DENND2A: variants seen among roughly 807,000 people sequenced by gnomAD.
DENND2A encodes DENN domain containing 2A, also known as DENN domain-containing protein 2A.
A neutral mutation model predicts 105.3 loss-of-function variants in DENND2A; 53 were observed. That is an observed-to-expected ratio of 0.50 (90% CI 0.40 to 0.63). DENND2A has a LOEUF of 0.63. DENND2A is among the 30% of genes least tolerant of loss of function. The pLI is 0.00. For missense variants in DENND2A, 1,138 were observed against 1,279.6 expected, an observed-to-expected ratio of 0.89 and a Z score of 1.69; for synonymous variants, 522 against 508.4, an observed-to-expected ratio of 1.03 and a Z score of -0.36.
At chr7:140,608,902 A>T (rs959723826) in intron 1 of DENND2A, among the ~76,000 whole-genome samples, 1 of 152,062 alleles carries the variant, frequency 6.6e-6, no homozygotes, top group Non-Finnish European at 1.5e-5. Context: ...ATGTACCAAG[A>T]CGTACCAAAG....
intron 11 of DENND2A, among the ~76,000 whole-genome samples, chr7:140,556,964 T>G (rs532087387): frequency 6.6e-6 from 1 of 152,232 alleles, no homozygotes; most frequent in Admixed American, 6.6e-5. Context: ...GAAGGGGACA[T>G]TCTTGAATTA....
intron 9 of DENND2A, among the ~76,000 whole-genome samples, chr7:140,562,290 A>G (rs528028065): frequency 1.3e-5 from 2 of 152,174 alleles, no homozygotes; most frequent in East Asian, 1.9e-4. Flanking sequence ...CAAGGTCACC[A>G]TGTGTCAGAG....
chr7:140,575,406 G>A (rs138550798), intron 5 of DENND2A, among the ~76,000 whole-genome samples: 35 of 152,188 alleles, frequency 2.3e-4, no homozygotes, highest in Middle Eastern at 3.4e-3. Context: ...CTCTACGGAG[G>A]GCAGTCTAGT....
At chr7:140,611,011 C>G (rs1179372916) in intron 1 of DENND2A, among the ~76,000 whole-genome samples, 1 of 152,236 alleles carries the variant, frequency 6.6e-6, no homozygotes, top group Non-Finnish European at 1.5e-5. Flanking sequence ...GGCCTGGCCT[C>G]TCGGACCGCT....
intron 12 of DENND2A, among the ~76,000 whole-genome samples, chr7:140,552,863 AG>A (rs1339832176): frequency 6.6e-6 from 1 of 152,180 alleles, no homozygotes; most frequent in Non-Finnish European, 1.5e-5. Context: ...ACAGATTTAC[AG>A]AGAAGTACAA....
Position 140,640,068 on chromosome 7 carries a change from C to T in DENND2A, c.-248+436G>A, listed in dbSNP as rs976853672. 6.6e-6 allele frequency among the ~76,000 whole-genome samples: 1 copy of T among 152,244 alleles called. No individual in the cohort carries two copies. ...CTGTGAGGGGGGCCCGGCTGCTCAG[C>T]CGCCTCGATGCCCCGCGCTTGCACG... On this transcript the variant is annotated intron_variant, in intron 1 of 19. Transcript: ENST00000496613. The surrounding 1 kb of genome is among the most constrained non-coding windows in gnomAD (Gnocchi z 4.9).
chr7:140,522,221 A>AACCC, intron 17 of DENND2A, 121 bp from the exon 18 acceptor site: 1 of 1,301,010 alleles, frequency 7.7e-7, no homozygotes, highest in Non-Finnish European at 1.0e-6. Context: ...GGAAACTGCG[A>AACCC]TTATCCAGGA....
intron 14 of DENND2A, among the ~76,000 whole-genome samples, chr7:140,539,066 C>T (rs1796554180): frequency 6.6e-6 from 1 of 152,200 alleles, no homozygotes; most frequent in South Asian, 2.1e-4. Flanking sequence ...TCAAGCAATC[C>T]ACCGGCCTCA....
In DENND2A at chr7:140,601,936, G is replaced by T. The variant is rs147680550; in HGVS notation, c.462C>A (p.Asn154Lys). The T allele has an allele frequency of 9.3e-6, 15 of 1,614,050 alleles. No homozygotes were observed. Among genetic ancestry groups the T allele is most frequent in the Non-Finnish European group, 1.2e-5 (14 of 1,180,026 alleles). ...CCTGCTTCAGCACGGAGAGGGGATC[G>T]TTCTGAAAGCGTAGCTTGCCAAGTC... ...EPRLGKLRFQ[N>K]DPLSVLKQVK... is the part of the protein sequence containing the mutation. The change falls in exon 3 of 20, where the codon AAC becomes AAA. Residue 154 changes from asparagine to lysine, a missense_variant. Physicochemically the swap from Asn to Lys is moderately conservative, Grantham distance 94. This residue lies in a region of DENND2A where 511 missense variants were observed against 499.9 expected (regional missense o/e 1.02). Coordinates refer to ENST00000496613, the MANE Select transcript of DENND2A (RefSeq NM_015689.5).
chr7:140,588,087 T>G (rs1181928651), intron 3 of DENND2A, among the ~76,000 whole-genome samples: 4 of 152,054 alleles, frequency 2.6e-5, no homozygotes, highest in Non-Finnish European at 5.9e-5. Flanking sequence ...GTTTTTGTAT[T>G]TTTAGTAGAG....
intron 15 of DENND2A, among the ~76,000 whole-genome samples, chr7:140,526,361 A>C (rs1796054947): frequency 6.6e-6 from 1 of 152,222 alleles, no homozygotes; most frequent in Non-Finnish European, 1.5e-5. Context: ...GAGGTGCCTG[A>C]GGCGCAAAGG....
chr7:140,524,619 G>A (rs541714601), intron 16 of DENND2A, among the ~76,000 whole-genome samples: 33 of 151,128 alleles, frequency 2.2e-4, no homozygotes, highest in Middle Eastern at 3.4e-3. Context: ...ACTGTCTCTC[G>A]GGCTGGAGTA....
At chr7:140,534,717 AG>A in intron 14 of DENND2A, among the ~76,000 whole-genome samples, 1 of 152,174 alleles carries the variant, frequency 6.6e-6, no homozygotes, top group East Asian at 1.9e-4. Context: ...GTGGAGGTGG[AG>A]GGGCTAGAGA....
chr7:140,584,228 C>A (rs774082088), intron 5 of DENND2A, among the ~76,000 whole-genome samples: 1 of 152,170 alleles, frequency 6.6e-6, no homozygotes, highest in Non-Finnish European at 1.5e-5. Flanking sequence ...GGAGACAGAG[C>A]AAGACTCCGT....
chr7:140,531,191 T>C (rs935219022), intron 14 of DENND2A, among the ~76,000 whole-genome samples: 1 of 152,262 alleles, frequency 6.6e-6, no homozygotes, highest in Admixed American at 6.5e-5. Flanking sequence ...AACCACTGAA[T>C]GTACTGAATT....
intron 16 of DENND2A, among the ~76,000 whole-genome samples, chr7:140,525,003 A>G (rs1585548523): frequency 6.7e-6 from 1 of 149,306 alleles, no homozygotes; most frequent in Non-Finnish European, 1.5e-5. Context: ...CTCCTGCCTC[A>G]GCCTCCCAAG....
chr7:140,524,702 C>A (rs559769549), intron 16 of DENND2A, among the ~76,000 whole-genome samples: 2 of 151,134 alleles, frequency 1.3e-5, no homozygotes, highest in African/African-American at 4.9e-5. Context: ...CAGCCTCCTG[C>A]GTAGCTGCTG....
At chr7:140,629,426 A>G (rs2130734932) in intron 1 of DENND2A, among the ~76,000 whole-genome samples, 1 of 152,246 alleles carries the variant, frequency 6.6e-6, no homozygotes, top group Admixed American at 6.5e-5. Context: ...TGGAGTAAAG[A>G]ACAAGGCAAA....
chr7:140,531,209 T>C (rs1282916756), intron 14 of DENND2A, among the ~76,000 whole-genome samples: 1 of 152,252 alleles, frequency 6.6e-6, no homozygotes, highest in Admixed American at 6.5e-5. Flanking sequence ...ATTCACTTTG[T>C]TCTAAATTGT....
Sources: gnomAD v4.1 joint callset for allele counts (sites outside exome capture counted in the v4.1 genomes callset) on GRCh38, gnomAD v4.1.1 for gene constraint, gnomAD v4.1.1 regional missense constraint, Gnocchi (gnomAD v3.1) non-coding constraint, MANE v1.5 for transcripts, NCBI Gene and HGNC (gene_info 2026-07-23, HGNC 2026-07-21) for gene names.